The following TTC27 variants were observed in gnomAD, a reference collection of about 807,000 sequenced individuals.
TTC27 encodes the protein tetratricopeptide repeat domain 27, also known as tetratricopeptide repeat protein 27.
TTC27 carries 79 observed loss-of-function variants against 115.9 expected under a neutral mutation model. The observed-to-expected ratio is 0.68, with a 90% CI of 0.57 to 0.82. The LOEUF is 0.82. Ranked by LOEUF, TTC27 falls within the 40% of genes least tolerant of loss-of-function variation. TTC27 has a pLI of 0.00. For synonymous variants in TTC27, 401 were observed against 356.0 expected, an observed-to-expected ratio of 1.13 and a Z score of -1.42; for missense variants, 1,054 against 993.1, an observed-to-expected ratio of 1.06 and a Z score of -0.82.
chr2:32,818,219 G>T lies in TTC27; in HGVS notation c.2409+662G>T, dbSNP rs551844251. On this transcript the variant is annotated intron_variant, in intron 19 of 19. Coordinates refer to ENST00000317907, the MANE Select transcript of TTC27 (RefSeq NM_017735.5). ...CTGGTTTAAATATATATTCATTTCA[G>T]TACATATTAGAAAAAAAGCAGACTA... Among the ~76,000 whole-genome samples, 10 of 151,990 alleles carry T rather than the reference G, an allele frequency of 6.6e-5. No homozygotes were observed. The South Asian group carries it at 1.7e-3, about 25-fold the overall frequency.
intron 13 of TTC27, among the ~76,000 whole-genome samples, chr2:32,771,963 G>A (rs1669845001): frequency 6.6e-6 from 1 of 152,092 alleles, no homozygotes; most frequent in Non-Finnish European, 1.5e-5. Flanking sequence ...CAAAACAGTT[G>A]ATCATATGAG....
chr2:32,665,376 C>A (rs1232076165), intron 6 of TTC27, among the ~76,000 whole-genome samples: 2 of 152,082 alleles, frequency 1.3e-5, no homozygotes, highest in Non-Finnish European at 2.9e-5. Flanking sequence ...TGTAATGTAT[C>A]TTGTGAGGTT....
intron 10 of TTC27, among the ~76,000 whole-genome samples, chr2:32,729,792 G>T (rs1305079980): frequency 6.6e-6 from 1 of 151,902 alleles, no homozygotes; most frequent in Non-Finnish European, 1.5e-5. Context: ...TTAATGATTG[G>T]TTTAGGGTAT....
chr2:32,686,823 A>G (rs1666646181), intron 9 of TTC27, among the ~76,000 whole-genome samples: 1 of 151,720 alleles, frequency 6.6e-6, no homozygotes, highest in Non-Finnish European at 1.5e-5. Context: ...AAGGGAATAC[A>G]TTGGGTGATT....
chr2:32,753,187 A>C (rs1402332222), intron 12 of TTC27, among the ~76,000 whole-genome samples: 3 of 152,072 alleles, frequency 2.0e-5, no homozygotes, highest in Admixed American at 6.6e-5. Context: ...CAGCATGATG[A>C]CTACAGGGAG....
intron 18 of TTC27, among the ~76,000 whole-genome samples, chr2:32,814,854 A>G (rs1040117154): frequency 3.9e-5 from 6 of 152,332 alleles, no homozygotes; most frequent in African/African-American, 1.4e-4. Context: ...TCTCACAACA[A>G]CAAAATTGCC....
intron 2 of TTC27, among the ~76,000 whole-genome samples, chr2:32,631,576 C>T (rs568440024): frequency 1.7e-4 from 26 of 152,218 alleles, no homozygotes; most frequent in African/African-American, 5.1e-4. Context: ...CTCTATCTTT[C>T]GTCTACTATC....
intron 11 of TTC27, among the ~76,000 whole-genome samples, chr2:32,735,847 G>A: frequency 6.6e-6 from 1 of 152,102 alleles, no homozygotes; most frequent in South Asian, 2.1e-4. Flanking sequence ...ATGGGTTACT[G>A]ATGTATTGGA....
At chr2:32,753,989 C>T (rs542457972) in intron 12 of TTC27, among the ~76,000 whole-genome samples, 6 of 152,040 alleles carry the variant, frequency 3.9e-5, no homozygotes, top group African/African-American at 9.6e-5. Flanking sequence ...GCTGGAGAAT[C>T]GCTTGAACCT....
intron 13 of TTC27, among the ~76,000 whole-genome samples, chr2:32,769,769 C>T (rs1179468776): frequency 1.3e-5 from 2 of 152,084 alleles, no homozygotes; most frequent in African/African-American, 2.4e-5. Flanking sequence ...ATTCTAAGCT[C>T]TTATGTAAGT....
intron 18 of TTC27, among the ~76,000 whole-genome samples, chr2:32,814,394 A>C (rs2148049954): frequency 6.6e-6 from 1 of 152,324 alleles, no homozygotes; most frequent in Middle Eastern, 3.4e-3. Flanking sequence ...CAACATTTTA[A>C]GCGTATTTGA....
intron 9 of TTC27, among the ~76,000 whole-genome samples, chr2:32,697,759 T>C (rs537586238): frequency 7.5e-6 from 1 of 132,648 alleles, no homozygotes; most frequent in South Asian, 2.1e-4. Context: ...AAGAAAGAAT[T>C]TTTTTTTTTT....
intron 9 of TTC27, among the ~76,000 whole-genome samples, chr2:32,695,324 C>T (rs1572522602): frequency 1.3e-5 from 2 of 152,114 alleles, no homozygotes; most frequent in East Asian, 3.9e-4. Context: ...TGACTTATGC[C>T]TGTAATCTCA....
intron 12 of TTC27, among the ~76,000 whole-genome samples, chr2:32,747,967 T>G (rs1558322748): frequency 6.6e-6 from 1 of 152,120 alleles, no homozygotes; most frequent in Non-Finnish European, 1.5e-5. Flanking sequence ...TTTAAATTTA[T>G]ACCCTAATTT....
intron 10 of TTC27, among the ~76,000 whole-genome samples, chr2:32,726,561 C>A (rs1668114888): frequency 6.6e-6 from 1 of 152,192 alleles, no homozygotes; most frequent in African/African-American, 2.4e-5. Flanking sequence ...TTGTCCATAT[C>A]ATTATCAGCA....
At chr2:32,671,129 C>G (rs1339871948) in intron 7 of TTC27, among the ~76,000 whole-genome samples, 1 of 152,058 alleles carries the variant, frequency 6.6e-6, no homozygotes, top group African/African-American at 2.4e-5. Context: ...ATAATTCATA[C>G]TTTTTGTATC....
chr2:32,756,069 C>T (rs1669222860), intron 12 of TTC27, among the ~76,000 whole-genome samples: 1 of 152,228 alleles, frequency 6.6e-6, no homozygotes, highest in Non-Finnish European at 1.5e-5. Context: ...ACCAATCACA[C>T]ATTTCCATTT....
intron 10 of TTC27, among the ~76,000 whole-genome samples, chr2:32,710,950 A>G (rs1459491783): frequency 6.6e-6 from 1 of 151,142 alleles, no homozygotes; most frequent in Non-Finnish European, 1.5e-5. Flanking sequence ...CCCCATCTCT[A>G]CTAAAAATAC....
chr2:32,662,790 G>A (rs964799594), intron 5 of TTC27, among the ~76,000 whole-genome samples: 7 of 151,972 alleles, frequency 4.6e-5, no homozygotes, highest in Non-Finnish European at 8.8e-5. Flanking sequence ...GTTCTGCTGT[G>A]ATTTTAGATA....
Sources: allele counts gnomAD v4.1 joint callset (sites outside exome capture counted in the v4.1 genomes callset), GRCh38; gene constraint gnomAD v4.1.1; transcripts MANE v1.5; gene names NCBI Gene and HGNC (gene_info 2026-07-23, HGNC 2026-07-21).